CNBD1: variants seen among roughly 807,000 people sequenced by gnomAD.
CNBD1 encodes the protein cyclic nucleotide binding domain containing 1, also known as cyclic nucleotide-binding domain-containing protein 1.
In CNBD1, 71 loss-of-function variants were observed where a neutral mutation model predicts 54.4. The observed-to-expected ratio is 1.30, with a 90% CI of 1.08 to 1.59. CNBD1 has a LOEUF of 1.59. CNBD1 is among the 40% of genes most tolerant of loss of function. The pLI, the probability that CNBD1 is intolerant of heterozygous loss-of-function variation, is 0.00. For missense variants in CNBD1, 659 were observed against 518.0 expected (o/e 1.27, Z -2.64); for synonymous variants, 182 against 170.7 (o/e 1.07, Z -0.51).
chr8:87,330,355 C>G (rs983232073), intron 8 of CNBD1, among the ~76,000 whole-genome samples: 2 of 146,074 alleles, frequency 1.4e-5, no homozygotes, highest in African/African-American at 5.1e-5. Context: ...TTAATTTTGG[C>G]TCTCATTTTT....
intron 2 of CNBD1, among the ~76,000 whole-genome samples, chr8:86,899,714 T>C (rs1808904306): frequency 6.6e-6 from 1 of 152,206 alleles, no homozygotes; most frequent in Non-Finnish European, 1.5e-5. Flanking sequence ...CCAGGTGATC[T>C]TTCTGTGAAA....
intron 3 of CNBD1, 74 bp downstream of exon 3, chr8:86,905,268 C>A: frequency 2.4e-6 from 2 of 831,730 alleles, no homozygotes; most frequent in Non-Finnish European, 3.9e-6. Context: ...AAGTTGAACT[C>A]AAAACTGAAA....
At chr8:87,390,532 C>T (rs62528166) in intron 2 of CNBD1, among the ~76,000 whole-genome samples, 6,609 of 152,168 alleles carry the variant, frequency 0.043, 190 homozygotes, top group Non-Finnish European at 0.06. Context: ...AAATCAAAAC[C>T]ATAGTGCGAT....
chr8:87,238,434 T>G (rs1807625069), intron 6 of CNBD1, among the ~76,000 whole-genome samples: 1 of 152,068 alleles, frequency 6.6e-6, no homozygotes, highest in Non-Finnish European at 1.5e-5. Flanking sequence ...AAACTTTACT[T>G]TTTAGGAATT....
At chr8:86,904,381 ACAAATAT>A (rs1808984267) in intron 2 of CNBD1, among the ~76,000 whole-genome samples, 1 of 152,060 alleles carries the variant, frequency 6.6e-6, no homozygotes, top group Non-Finnish European at 1.5e-5. Context: ...TTTTCCAGAA[ACAAATAT>A]CATTACCTAA....
chr8:87,385,649 C>G (rs1044335373), downstream of CNBD1, among the ~76,000 whole-genome samples: 8 of 152,084 alleles, frequency 5.3e-5, no homozygotes, highest in Non-Finnish European at 8.8e-5. Context: ...CCCACCGCAG[C>G]ACAAGGAGGC....
intron 4 of CNBD1, among the ~76,000 whole-genome samples, chr8:86,990,565 C>T (rs1182383872): frequency 6.6e-6 from 1 of 152,092 alleles, no homozygotes; most frequent in East Asian, 1.9e-4. Context: ...TGCTTTTATG[C>T]CAGTACCAGG....
intron 4 of CNBD1, among the ~76,000 whole-genome samples, chr8:86,992,618 C>A (rs762538943): frequency 1.3e-5 from 2 of 151,984 alleles, no homozygotes; most frequent in African/African-American, 2.4e-5. Context: ...TCTTCTGAAT[C>A]CATGCTTAAC....
chr8:86,959,392 G>T (rs1021371044), intron 4 of CNBD1, among the ~76,000 whole-genome samples: 1 of 152,088 alleles, frequency 6.6e-6, no homozygotes, highest in Non-Finnish European at 1.5e-5. Flanking sequence ...TTGATTGTTG[G>T]CCTGCCTTGC....
intron 8 of CNBD1, among the ~76,000 whole-genome samples, chr8:87,317,109 T>C (rs1809404183): frequency 6.6e-6 from 1 of 151,934 alleles, no homozygotes. Flanking sequence ...GTGAACTGTC[T>C]GACTAGAAAA....
intron 6 of CNBD1, among the ~76,000 whole-genome samples, chr8:87,250,543 T>C (rs747794515): frequency 6.6e-6 from 1 of 152,190 alleles, no homozygotes; most frequent in African/African-American, 2.4e-5. Context: ...TGCAGCACTA[T>C]TCACAATAGC....
chr8:87,246,911 C>T lies in CNBD1; in HGVS notation c.771+9799C>T, dbSNP rs183463104. ...TATACAACTCATCATAATGTAGAACCTATGGGAGCCCTGAGCTTGTTTTCC... is the reference window on the plus strand; with the variant it reads ...TATACAACTCATCATAATGTAGAACTTATGGGAGCCCTGAGCTTGTTTTCC... On this transcript the variant is annotated intron_variant, in intron 6 of 10. Coordinates refer to ENST00000518476, the MANE Select transcript of CNBD1 (RefSeq NM_173538.3). 2.4e-4 allele frequency among the ~76,000 whole-genome samples: 37 copies of T among 152,100 alleles called. No homozygotes were observed. The East Asian group carries it at 7.0e-3, about 29-fold the overall frequency.
chr8:87,087,558 G>A (rs1207898268), intron 4 of CNBD1, among the ~76,000 whole-genome samples: 1 of 150,618 alleles, frequency 6.6e-6, no homozygotes, highest in Non-Finnish European at 1.5e-5. Context: ...CCGCCTCCCG[G>A]GTTCACGCCA....
intron 4 of CNBD1, among the ~76,000 whole-genome samples, chr8:86,980,210 T>C (rs111861549): frequency 1.4e-4 from 22 of 152,320 alleles, no homozygotes; most frequent in African/African-American, 4.8e-4. Context: ...GTGACTAATA[T>C]GGTGAGTGTT....
rs372139044 is a variant in CNBD1 at position 87,195,864 on chromosome 8, C to T, written c.432-10129C>T. ...CTGGGATTACAGGCATGAGCTACCA[C>T]GCCCGACTTAAATATTGCTTCTTAT... On this transcript the variant is annotated intron_variant, in intron 4 of 10. Coordinates refer to ENST00000518476, the MANE Select transcript of CNBD1 (RefSeq NM_173538.3). 2.6e-4 allele frequency among the ~76,000 whole-genome samples: 40 copies of T among 152,278 alleles called. No individual in the cohort carries two copies. In the East Asian group the frequency reaches 3.3e-3, roughly 13 times the overall value.
chr8:87,399,400 C>G (rs955707467), intron 2 of CNBD1, among the ~76,000 whole-genome samples: 2 of 152,000 alleles, frequency 1.3e-5, no homozygotes, highest in Admixed American at 6.6e-5. Flanking sequence ...CCACCCACCT[C>G]TTCATTTGTG....
chr8:87,063,581 C>A (rs902448854), intron 4 of CNBD1, among the ~76,000 whole-genome samples: 1 of 151,930 alleles, frequency 6.6e-6, no homozygotes, highest in African/African-American at 2.4e-5. Context: ...TTCTTTGACT[C>A]TTGAGAGTCA....
intron 10 of CNBD1, among the ~76,000 whole-genome samples, chr8:87,382,161 C>T (rs1297411317): frequency 2.6e-5 from 4 of 151,584 alleles, no homozygotes; most frequent in African/African-American, 7.3e-5. Context: ...TCACCTTTTC[C>T]AAAATGTTCA....
chr8:87,260,759 G>A (rs146257395), intron 6 of CNBD1, among the ~76,000 whole-genome samples: 1 of 151,842 alleles, frequency 6.6e-6, no homozygotes, highest in Non-Finnish European at 1.5e-5. Context: ...TCACTGTGTT[G>A]TTGTTCATTT....
Sources: allele counts gnomAD v4.1 joint callset (sites outside exome capture counted in the v4.1 genomes callset), GRCh38; gene constraint gnomAD v4.1.1; transcripts MANE v1.5; gene names NCBI Gene and HGNC (gene_info 2026-07-23, HGNC 2026-07-21).